Variants in GAB1 observed in about 807,000 individuals in gnomAD.
The protein encoded by GAB1 is GRB2-associated-binding protein 1.
A neutral mutation model predicts 66.5 loss-of-function variants in GAB1; 19 were observed. The ratio of observed to expected loss-of-function variants is 0.29; its 90% CI spans 0.20 to 0.42. The LOEUF (loss-of-function observed/expected upper bound fraction) is 0.42. GAB1 is among the 10% of genes least tolerant of loss of function. The pLI is 1.00. For synonymous variants in GAB1, 294 were observed against 301.4 expected (o/e 0.98, Z 0.25); for missense variants, 732 against 858.5 (o/e 0.85, Z 1.84).
intron 1 of GAB1, among the ~76,000 whole-genome samples, chr4:143,347,236 G>A (rs1040589444): frequency 2.6e-5 from 4 of 152,084 alleles, no homozygotes; most frequent in Admixed American, 2.6e-4. Context: ...TCAAATAATT[G>A]TAGAATTTTG....
chr4:143,345,364 A>G (rs1169507902), intron 1 of GAB1, among the ~76,000 whole-genome samples: 2 of 152,234 alleles, frequency 1.3e-5, no homozygotes, highest in Non-Finnish European at 2.9e-5. Flanking sequence ...TTCAAAAAAC[A>G]ATGTCCTAAG....
chr4:143,439,729 A>C (rs990909162), intron 4 of GAB1, 73 bp from the exon 5 acceptor site: 6 of 974,678 alleles, frequency 6.2e-6, no homozygotes, highest in Non-Finnish European at 8.2e-6. Flanking sequence ...AGAGAAAGAT[A>C]ATAGGTCATC....
At chr4:143,385,304 G>A (rs766419440) in intron 1 of GAB1, among the ~76,000 whole-genome samples, 2 of 152,158 alleles carry the variant, frequency 1.3e-5, no homozygotes, top group Non-Finnish European at 2.9e-5. Flanking sequence ...ACCTCCCTGT[G>A]TAGGCTTATT....
At chr4:143,442,914 T>C (rs1268992085) in intron 6 of GAB1, among the ~76,000 whole-genome samples, 3 of 152,060 alleles carry the variant, frequency 2.0e-5, no homozygotes, top group African/African-American at 7.2e-5. Flanking sequence ...AATACCCATA[T>C]AGTTTTTGCC....
chr4:143,338,495 C>T (rs13146448), intron 1 of GAB1, among the ~76,000 whole-genome samples: 14,526 of 152,186 alleles, frequency 0.095, 776 homozygotes, highest in African/African-American at 0.13. Flanking sequence ...CAGTGAATTT[C>T]TGATTTACTT....
intron 3 of GAB1, chr4:143,434,237 A>G (rs912769744): frequency 1.7e-6 from 1 of 602,920 alleles, no homozygotes; most frequent in Non-Finnish European, 2.5e-6. Flanking sequence ...CAATATAGCA[A>G]ATTCCATGGA....
chr4:143,353,584 A>C (rs1255275948), intron 1 of GAB1, among the ~76,000 whole-genome samples: 1 of 138,798 alleles, frequency 7.2e-6, no homozygotes, highest in Non-Finnish European at 1.6e-5. Context: ...CTGCTACTAG[A>C]CAGCTATTCT....
intron 1 of GAB1, among the ~76,000 whole-genome samples, chr4:143,355,567 T>C (rs1450554987): frequency 6.6e-6 from 1 of 152,252 alleles, no homozygotes; most frequent in African/African-American, 2.4e-5. Context: ...CTCAGTAGCA[T>C]TGGAAACAAC....
intron 1 of GAB1, among the ~76,000 whole-genome samples, chr4:143,381,643 T>C (rs1014250367): frequency 6.6e-6 from 1 of 152,218 alleles, no homozygotes; most frequent in Admixed American, 6.5e-5. Flanking sequence ...GGAGGTGGTA[T>C]TTTGCTCCAG....
intron 6 of GAB1, among the ~76,000 whole-genome samples, chr4:143,441,599 G>A (rs1734242160): frequency 6.7e-6 from 1 of 149,860 alleles, no homozygotes; most frequent in Non-Finnish European, 1.5e-5. Context: ...AGGAACTGAA[G>A]CAATTCTAGG....
Position 143,425,994 on chromosome 4 carries a change from T to A in GAB1, c.368-7497T>A, listed in dbSNP as rs560410977. The A allele has an allele frequency of 5.2e-4, 342 of 662,326 alleles. 12 individuals are homozygous for A. Among genetic ancestry groups the A allele is most frequent in the South Asian group, 4.9e-3 (267 of 54,818 alleles). 41.0% of individuals were successfully genotyped at this position (662,326 alleles called of 1,614,324 possible). A position where few individuals can be genotyped will look rare whatever the true frequency, so the allele number is the denominator to read the frequency against. On this transcript the variant is annotated intron_variant, in intron 2 of 9. Transcript: ENST00000262994. The stretch of plus-strand genomic sequence containing the variant: ...AACATCAGTATCTAAATAAAAAAAA[T>A]TTTAAAAATTACAAAAAAAGAAAAA...
chr4:143,368,081 G>A (rs1181384425), intron 1 of GAB1, among the ~76,000 whole-genome samples: 1 of 151,934 alleles, frequency 6.6e-6, no homozygotes, highest in Non-Finnish European at 1.5e-5. Flanking sequence ...CTCAGGTGCA[G>A]AGTGGAAAGG....
At chr4:143,451,355 T>G (rs1357777580) in intron 6 of GAB1, among the ~76,000 whole-genome samples, 7 of 152,098 alleles carry the variant, frequency 4.6e-5, no homozygotes, top group Admixed American at 4.6e-4. Context: ...GGGAGGAAAG[T>G]ACCAAAGGAG....
intron 6 of GAB1, among the ~76,000 whole-genome samples, chr4:143,444,579 T>A (rs1734411800): frequency 6.6e-6 from 1 of 152,206 alleles, no homozygotes; most frequent in Non-Finnish European, 1.5e-5. Flanking sequence ...GATTAAAAAT[T>A]AACATGCACT....
chr4:143,379,709 C>G (rs531358705), intron 1 of GAB1, among the ~76,000 whole-genome samples: 1 of 151,962 alleles, frequency 6.6e-6, no homozygotes, highest in East Asian at 1.9e-4. Context: ...ACCTCAGTCT[C>G]CTGAGTAGCT....
At chr4:143,365,003 G>A (rs1250634437) in intron 1 of GAB1, among the ~76,000 whole-genome samples, 3 of 147,790 alleles carry the variant, frequency 2.0e-5, no homozygotes, top group South Asian at 4.4e-4. Context: ...TCAGCCTCCC[G>A]AGTAGCTGGG....
At chr4:143,348,713 C>A (rs564241246) in intron 1 of GAB1, among the ~76,000 whole-genome samples, 1 of 152,350 alleles carries the variant, frequency 6.6e-6, no homozygotes, top group Non-Finnish European at 1.5e-5. Context: ...TTTTGCTCTT[C>A]GGAGTGCCTC....
rs114404467 is a variant in GAB1 at position 143,350,378 on chromosome 4, C to T, written c.72+13118C>T. Among the ~76,000 whole-genome samples the T allele has an allele frequency of 2.5e-3, 379 of 152,258 alleles. 4 individuals are homozygous for T. Among genetic ancestry groups the T allele is most frequent in the African/African-American group, 8.6e-3 (357 of 41,554 alleles). ...TCATGGCTTAGCTCACTAAAACACT[C>T]TTAAGGCTTTGTGTTTTAGGCTGGG... On this transcript the variant is annotated intron_variant, in intron 1 of 9. Transcript: ENST00000262994.
chr4:143,429,370 C>T (rs1030615310), intron 2 of GAB1, among the ~76,000 whole-genome samples: 2 of 152,224 alleles, frequency 1.3e-5, no homozygotes, highest in Admixed American at 1.3e-4. Flanking sequence ...TCCCAAAGTG[C>T]TGGGATTACA....
Sources: gnomAD v4.1 joint callset for allele counts (sites outside exome capture counted in the v4.1 genomes callset) on GRCh38, gnomAD v4.1.1 for gene constraint, MANE v1.5 for transcripts, NCBI Gene and HGNC (gene_info 2026-07-23, HGNC 2026-07-21) for gene names.